The following GPHN variants were observed in gnomAD, a reference collection of about 807,000 sequenced individuals.
GPHN encodes gephyrin.
Under a neutral mutation model 95.5 loss-of-function variants are expected in GPHN, and 17 were observed. The ratio of observed to expected loss-of-function variants is 0.18; its 90% confidence interval spans 0.12 to 0.27. The LOEUF is 0.27. Ranked by LOEUF, GPHN falls within the 10% of genes least tolerant of loss-of-function variation. GPHN has a pLI of 1.00. For synonymous variants in GPHN, 320 were observed against 322.5 expected, an observed-to-expected ratio of 0.99 and a Z score of 0.08; for missense variants, 660 against 978.1, an observed-to-expected ratio of 0.67 and a Z score of 4.34.
intron 3 of GPHN, among the ~76,000 whole-genome samples, chr14:66,814,969 C>A (rs73273236): frequency 0.038 from 5,844 of 152,124 alleles, 414 homozygotes; most frequent in African/African-American, 0.13. Context: ...AAGAACATAA[C>A]CAACATGATA....
chr14:67,161,121 C>T (rs2081951549), intron 19 of GPHN, among the ~76,000 whole-genome samples: 1 of 152,004 alleles, frequency 6.6e-6, no homozygotes, highest in Non-Finnish European at 1.5e-5. Flanking sequence ...CGAGAAACCC[C>T]ATCTCTATAA....
At chr14:67,653,500 TGAG>T in the GPHN span, 1 of 1,613,314 alleles carries the variant, frequency 6.2e-7, no homozygotes, top group Non-Finnish European at 8.5e-7. Flanking sequence ...GTTTACCAGC[TGAG>T]AAGAGAAAAT....
intron 5 of GPHN, among the ~76,000 whole-genome samples, chr14:66,891,963 AAAT>A (rs1385579052): frequency 4.6e-5 from 7 of 152,138 alleles, no homozygotes; most frequent in East Asian, 1.9e-4. Context: ...GTTATCAAAA[AAAT>A]AATAATAAAT....
chr14:66,721,895 G>A (rs549879757), intron 2 of GPHN, among the ~76,000 whole-genome samples: 1 of 146,362 alleles, frequency 6.8e-6, no homozygotes, highest in African/African-American at 2.5e-5. Flanking sequence ...AGCTTGCAGT[G>A]AGCTGAGATT....
chr14:66,754,254 ACT>A (rs1463104419), intron 2 of GPHN, among the ~76,000 whole-genome samples: 2 of 151,934 alleles, frequency 1.3e-5, no homozygotes, highest in African/African-American at 4.8e-5. Flanking sequence ...TCATATGGTG[ACT>A]CTGTCTTCAG....
the GPHN span, among the ~76,000 whole-genome samples, chr14:67,439,165 C>T: frequency 6.6e-6 from 1 of 152,190 alleles, no homozygotes; most frequent in African/African-American, 2.4e-5. Context: ...TGTCTCTGTG[C>T]CTCAGTGTCC....
chr14:67,413,471 T>C, the GPHN span, among the ~76,000 whole-genome samples: 1 of 152,146 alleles, frequency 6.6e-6, no homozygotes, highest in Non-Finnish European at 1.5e-5. Context: ...GGCCCTCAGA[T>C]GCCTGTAAGG....
rs529742134 is a variant in GPHN, at chr14:67,143,657, C to A, written c.1836+208C>A. 3.3e-5 allele frequency among the ~76,000 whole-genome samples: 5 copies of A among 152,182 alleles called. No individual in the cohort carries two copies. In the East Asian group the frequency reaches 9.7e-4, roughly 29 times the overall value. On this transcript the variant is annotated intron_variant, in intron 18 of 22. Transcript: ENST00000478722. The stretch of plus-strand genomic sequence containing the variant: ...ACCCTCAGGAGCAACCTGGAGAATC[C>A]CACAACTTACAGAATGGTTTTTGCT...
the GPHN span, among the ~76,000 whole-genome samples, chr14:67,346,277 G>T: frequency 6.6e-6 from 1 of 152,158 alleles, no homozygotes; most frequent in Non-Finnish European, 1.5e-5. Flanking sequence ...ATCACATGAA[G>T]CAAGGAAATA....
chr14:67,304,521 G>A, the GPHN span, among the ~76,000 whole-genome samples: 2 of 152,164 alleles, frequency 1.3e-5, no homozygotes, highest in Non-Finnish European at 2.9e-5. Context: ...AAATTATGCT[G>A]AGCGAAGGAA....
chr14:67,399,728 G>T, the GPHN span, among the ~76,000 whole-genome samples: 1,628 of 121,166 alleles, frequency 0.013, 81 homozygotes, highest in East Asian at 0.048. Context: ...GTTTAGGTGG[G>T]TCTCAGGTGG....
chr14:66,986,155 G>T (rs1199550164), intron 9 of GPHN, among the ~76,000 whole-genome samples: 1 of 150,066 alleles, frequency 6.7e-6, no homozygotes, highest in South Asian at 2.1e-4. Flanking sequence ...ATGTTATTTT[G>T]GTATCATCAC....
the GPHN span, chr14:67,674,768 G>C: frequency 3.2e-6 from 1 of 314,382 alleles, no homozygotes; most frequent in Non-Finnish European, 5.8e-6. Flanking sequence ...GCGCCGGGGC[G>C]ATCGGCAGTC....
chr14:66,996,229 C>T (rs2071784440), intron 9 of GPHN: 3 of 1,508,156 alleles, frequency 2.0e-6, no homozygotes, highest in African/African-American at 1.4e-5. Flanking sequence ...GTATATTTTG[C>T]ACGTGTTTTC....
chr14:67,144,245 AAAAAAATATATATATATAT>A (rs1376429009), intron 18 of GPHN, among the ~76,000 whole-genome samples: 1 of 66,670 alleles, frequency 1.5e-5, no homozygotes, highest in Non-Finnish European at 2.2e-5. Flanking sequence ...TTAAAAAAAA[AAAAAAATATATATATATAT>A]ATATATATAT....
At chr14:66,989,131 G>T (rs1345570534) in intron 9 of GPHN, among the ~76,000 whole-genome samples, 1 of 151,860 alleles carries the variant, frequency 6.6e-6, no homozygotes, top group African/African-American at 2.4e-5. Flanking sequence ...TAATACACGT[G>T]TCTCATATCT....
intron 1 of GPHN, among the ~76,000 whole-genome samples, chr14:66,586,466 C>T (rs1033492274): frequency 1.3e-5 from 2 of 152,172 alleles, no homozygotes; most frequent in Non-Finnish European, 2.9e-5. Flanking sequence ...TTAGTTGATG[C>T]AGTTTCTTCC....
the GPHN span, among the ~76,000 whole-genome samples, chr14:67,630,707 T>C: frequency 2.0e-5 from 3 of 152,310 alleles, no homozygotes; most frequent in Admixed American, 6.5e-5. Context: ...GCCTCCATAG[T>C]AGCTGGGATT....
intron 4 of GPHN, among the ~76,000 whole-genome samples, chr14:66,877,628 A>G (rs2063729858): frequency 2.0e-5 from 3 of 152,202 alleles, no homozygotes; most frequent in African/African-American, 7.2e-5. Flanking sequence ...GTGAACTCCC[A>G]TTCACAATTG....
Sources: allele counts gnomAD v4.1 joint callset (sites outside exome capture counted in the v4.1 genomes callset), GRCh38; gene constraint gnomAD v4.1.1; transcripts MANE v1.5; gene names NCBI Gene and HGNC (gene_info 2026-07-23, HGNC 2026-07-21).